SLC16A10: variants seen among roughly 807,000 people sequenced by gnomAD.
SLC16A10 encodes the protein solute carrier family 16 member 10, also known as monocarboxylate transporter 10.
Under a neutral mutation model 40.0 loss-of-function variants are expected in SLC16A10, and 27 were observed. The observed-to-expected ratio is 0.67, with a 90% CI of 0.50 to 0.93. The LOEUF (loss-of-function observed/expected upper bound fraction) is 0.93, where lower values mean the gene tolerates loss of function less well. Among genes scored for constraint, SLC16A10 ranks in the 40% least tolerant of loss-of-function variants. The pLI, the probability that SLC16A10 is intolerant of heterozygous loss-of-function variation, is 0.00. For synonymous variants in SLC16A10, 213 were observed against 249.8 expected (o/e 0.85, Z 1.39); for missense variants, 529 against 658.2 (o/e 0.80, Z 2.15).
At chr6:111,206,323 C>T (rs1773254243) in intron 3 of SLC16A10, among the ~76,000 whole-genome samples, 2 of 152,168 alleles carry the variant, frequency 1.3e-5, no homozygotes, top group East Asian at 1.9e-4. Context: ...GTGATCCACC[C>T]ACCTCGACCT....
chr6:111,121,382 GA>G (rs1158405022), intron 1 of SLC16A10, among the ~76,000 whole-genome samples: 4 of 152,186 alleles, frequency 2.6e-5, no homozygotes, highest in African/African-American at 9.7e-5. Context: ...GGCAACATAG[GA>G]AACCCTGTCT....
At chr6:111,180,729 C>G (rs1405422875) in intron 3 of SLC16A10, among the ~76,000 whole-genome samples, 2 of 151,942 alleles carry the variant, frequency 1.3e-5, no homozygotes, top group Non-Finnish European at 2.9e-5. Flanking sequence ...ATTGCTGGAG[C>G]CCAGGAGTTC....
chr6:111,157,822 T>C (rs942296731), intron 1 of SLC16A10, among the ~76,000 whole-genome samples: 11 of 151,520 alleles, frequency 7.3e-5, no homozygotes, highest in Admixed American at 1.3e-4. Flanking sequence ...AAATCTCCCA[T>C]GCAGAAGAAT....
At position 111,095,592 on chromosome 6, in the gene SLC16A10, C is replaced by A. The variant is rs1159371654; in HGVS notation, c.343+7497C>A. ...TTTGGCTGTGTTCCCACCCAAATCT[C>A]ATCTTGAATTGTAGCTCCCATAATC... On this transcript the variant is annotated intron_variant, in intron 1 of 5. Coordinates refer to ENST00000368851, the MANE Select transcript of SLC16A10 (RefSeq NM_018593.5). 2.0e-5 allele frequency among the ~76,000 whole-genome samples: 3 copies of A among 152,074 alleles called. No homozygotes were observed. The East Asian group carries it at 5.8e-4, about 29-fold the overall frequency.
chr6:111,141,053 A>G (rs1416086110), intron 1 of SLC16A10, among the ~76,000 whole-genome samples: 1 of 152,208 alleles, frequency 6.6e-6, no homozygotes, highest in Non-Finnish European at 1.5e-5. Flanking sequence ...GTCCTCCCAG[A>G]GTGCTCGGAT....
chr6:111,163,765 A>G (rs1397656985), intron 1 of SLC16A10, among the ~76,000 whole-genome samples: 2 of 152,220 alleles, frequency 1.3e-5, no homozygotes, highest in Non-Finnish European at 2.9e-5. Context: ...TATGAAATAC[A>G]ATTCCAGATT....
At chr6:111,132,566 G>A (rs1230071370) in intron 1 of SLC16A10, among the ~76,000 whole-genome samples, 1 of 152,230 alleles carries the variant, frequency 6.6e-6, no homozygotes, top group Non-Finnish European at 1.5e-5. Context: ...CTCATTGTGA[G>A]TACACCTCAC....
chr6:111,137,841 C>T (rs751182809), intron 1 of SLC16A10, among the ~76,000 whole-genome samples: 2 of 152,312 alleles, frequency 1.3e-5, no homozygotes, highest in East Asian at 1.9e-4. Context: ...ACGGGGCTTG[C>T]AACGTAGCTC....
rs562310142 is a variant in SLC16A10, at chr6:111,145,699, A to G, written c.344-26996A>G. Among the ~76,000 whole-genome samples, 4 of 152,298 alleles carry G rather than the reference A, an allele frequency of 2.6e-5. No individual in the cohort carries two copies. In the East Asian group the frequency reaches 7.7e-4, roughly 29 times the overall value. On this transcript the variant is annotated intron_variant, in intron 1 of 5. Transcript: ENST00000368851. ...CCTCGTCTCTTAAAAAAGAAAAAAA[A>G]TCAGCCGGGCATGGCAGTGTGTACC...
intron 2 of SLC16A10, 40 bp downstream of exon 2, chr6:111,172,879 T>G: frequency 1.3e-6 from 2 of 1,598,760 alleles, no homozygotes; most frequent in South Asian, 1.1e-5. Context: ...TTAAAAACTG[T>G]TAGATACCTT....
At chr6:111,089,694 T>C (rs1450801783) in intron 1 of SLC16A10, among the ~76,000 whole-genome samples, 2 of 152,276 alleles carry the variant, frequency 1.3e-5, no homozygotes, top group East Asian at 3.9e-4. Flanking sequence ...AAAAATAGTT[T>C]GTTGTCTTTT....
chr6:111,221,761 T>C (rs928235280), intron 5 of SLC16A10, among the ~76,000 whole-genome samples: 1 of 151,356 alleles, frequency 6.6e-6, no homozygotes, highest in East Asian at 1.9e-4. Flanking sequence ...AAAAAAAACG[T>C]CTACCTTTCT....
intron 1 of SLC16A10, among the ~76,000 whole-genome samples, chr6:111,122,339 C>T (rs1358999832): frequency 1.3e-5 from 2 of 152,162 alleles, no homozygotes; most frequent in Non-Finnish European, 2.9e-5. Context: ...GAAGAATATG[C>T]TTTGGGATTT....
intron 3 of SLC16A10, chr6:111,193,420 AC>A: frequency 1.5e-6 from 1 of 648,972 alleles, no homozygotes; most frequent in Non-Finnish European, 1.9e-6. Flanking sequence ...TATTTATCTG[AC>A]CACTTGTTTA....
intron 3 of SLC16A10, among the ~76,000 whole-genome samples, chr6:111,177,884 C>T (rs1184830580): frequency 6.6e-6 from 1 of 152,102 alleles, no homozygotes; most frequent in African/African-American, 2.4e-5. Flanking sequence ...ATTTTAAAAA[C>T]CCTGCAAACC....
chr6:111,100,990 CTCTATATATA>C (rs1330109372), intron 1 of SLC16A10, among the ~76,000 whole-genome samples: 3,479 of 70,838 alleles, frequency 0.049, 33 homozygotes, highest in Non-Finnish European at 0.059. Context: ...CTCTCTCTCT[CTCTATATATA>C]TATATATATA....
intron 1 of SLC16A10, among the ~76,000 whole-genome samples, chr6:111,150,759 A>G (rs1252438829): frequency 6.6e-6 from 1 of 152,168 alleles, no homozygotes; most frequent in African/African-American, 2.4e-5. Context: ...GGGGGTGGAA[A>G]CAGGCTCTGA....
intron 3 of SLC16A10, among the ~76,000 whole-genome samples, chr6:111,186,030 G>C (rs185351585): frequency 1.3e-5 from 2 of 152,004 alleles, no homozygotes; most frequent in African/African-American, 4.8e-5. Context: ...CTCCCAAGTA[G>C]CTAGGACCAC....
At chr6:111,126,245 TCCTTAGTTTTTTA>T (rs924735459) in intron 1 of SLC16A10, among the ~76,000 whole-genome samples, 5 of 152,182 alleles carry the variant, frequency 3.3e-5, no homozygotes, top group Admixed American at 6.5e-5. Context: ...AGTTTTTTTT[TCCTTAGTTTTTTA>T]CCTTAGTTTT....
Sources: allele counts gnomAD v4.1 joint callset (sites outside exome capture counted in the v4.1 genomes callset), GRCh38; gene constraint gnomAD v4.1.1; transcripts MANE v1.5; gene names NCBI Gene and HGNC (gene_info 2026-07-23, HGNC 2026-07-21).